The following HNRNPUL2 variants were observed in gnomAD, a reference collection of about 807,000 sequenced individuals.
The protein encoded by HNRNPUL2 is heterogeneous nuclear ribonucleoprotein U like 2.
HNRNPUL2 carries 27 observed loss-of-function variants against 102.2 expected under a neutral mutation model. The observed-to-expected ratio is 0.26, with a 90% CI of 0.19 to 0.36. The LOEUF (loss-of-function observed/expected upper bound fraction) is 0.36. HNRNPUL2 is among the 10% of genes least tolerant of loss of function. The pLI is 1.00. For synonymous variants in HNRNPUL2, 458 were observed against 387.2 expected (o/e 1.18, Z -2.15); for missense variants, 936 against 981.1 (o/e 0.95, Z 0.61).
In HNRNPUL2 at chr11:62,723,898, T is replaced by C. The variant is rs1367915405; in HGVS notation, c.751+16A>G. 1.2e-6 allele frequency: 2 copies of C among 1,611,770 alleles called. No homozygotes were observed. The highest frequency in any genetic ancestry group is 1.1e-5 in the South Asian group (1 of 90,706). ...GAGATTAGTTAAAAACCACAGTCTG[T>C]CTGCCTTATACATACACGTGTCCAG... On this transcript the variant is annotated intron_variant, in intron 3 of 13. Coordinates refer to ENST00000301785, the MANE Select transcript of HNRNPUL2 (RefSeq NM_001079559.3).
At chr11:62,724,101 C>A (rs2083725587) in intron 2 of HNRNPUL2, 111 bp from the exon 3 acceptor site, 1 of 1,182,426 alleles carries the variant, frequency 8.5e-7, no homozygotes, top group African/African-American at 1.5e-5. Context: ...TATCAAATCC[C>A]AGCAGACAGC....
chr11:62,726,908 C>G lies in HNRNPUL2; in HGVS notation c.249G>C (p.Glu83Asp). 1 of 1,546,552 alleles carries G rather than the reference C, an allele frequency of 6.5e-7. No homozygotes were observed. The highest frequency in any genetic ancestry group is 8.6e-7 in the Non-Finnish European group (1 of 1,156,444). ...GDEEEDEEEEEEDEEALLEDE... is the reference protein window; with the variant it reads ...GDEEEDEEEEDEDEEALLEDE... ...CCTCAAGCAGCGCCTCCTCGTCCTC[C>G]TCCTCCTCCTCTTCGTCCTCCTCCT... The change falls in exon 1 of 14, where the codon GAG (glutamate) becomes GAC (aspartate). Residue 83 changes from glutamate (E) to aspartate (D), a missense_variant. Glu to Asp is a conservative substitution (Grantham distance 45). Coordinates refer to ENST00000301785, the MANE Select transcript of HNRNPUL2 (RefSeq NM_001079559.3).
At position 62,713,677 on chromosome 11, in the gene HNRNPUL2, G is replaced by A. The variant is rs991338520; in HGVS notation, c.*1622C>T. On this transcript the variant is annotated 3_prime_UTR_variant, in exon 14 of 14. Transcript: ENST00000301785. ...CTGCAGGGCAGTAACAGTGGGAGGAGGAGAGGAAGACCAAATCAGCCCACA... is the reference window on the plus strand; with the variant it reads ...CTGCAGGGCAGTAACAGTGGGAGGAAGAGAGGAAGACCAAATCAGCCCACA... The A allele has an allele frequency of 6.6e-6, 1 of 152,300 alleles. No individual in the cohort carries two copies. The highest frequency in any genetic ancestry group is 6.5e-5 in the Admixed American group (1 of 15,280). The allele number at this position is 152,300 out of a possible 1,614,324, so 9.4% of individuals were successfully genotyped here.
Position 62,715,323 on chromosome 11 carries a change from G to A in HNRNPUL2, c.2220C>T (p.Tyr740=). Residue 740 remains tyrosine (Y), a synonymous_variant, in exon 14 of 14, where the codon TAC becomes TAT. Coordinates refer to ENST00000301785, the MANE Select transcript of HNRNPUL2 (RefSeq NM_001079559.3). The part of the protein sequence containing the change: ...PQDRDRYYRN[Y]YGYQGYR Reference sequence around the variant, plus strand: ...TTCACCGATACCCTTGGTACCCGTAGTAATTCCTGTAGTATCGGTCTCTGT... The same window carrying A: ...TTCACCGATACCCTTGGTACCCGTAATAATTCCTGTAGTATCGGTCTCTGT... The A allele has an allele frequency of 6.2e-7, 1 of 1,613,306 alleles. No individual in the cohort carries two copies.
At chr11:62,724,572 T>C (rs2083729766) in intron 1 of HNRNPUL2, 146 bp from the exon 2 acceptor site, 1 of 900,222 alleles carries the variant, frequency 1.1e-6, no homozygotes, top group Non-Finnish European at 1.7e-6. Context: ...AACATTTTAT[T>C]TCTAAAGATC....
intron 8 of HNRNPUL2, among the ~76,000 whole-genome samples, 172 bp downstream of exon 8, chr11:62,721,648 G>A (rs2083703824): frequency 6.6e-6 from 1 of 151,724 alleles, no homozygotes; most frequent in South Asian, 2.1e-4. Flanking sequence ...TCAGAAATTT[G>A]ACAACACAGC....
intron 10 of HNRNPUL2, among the ~76,000 whole-genome samples, chr11:62,718,959 T>C (rs1034556935): frequency 2.6e-5 from 4 of 151,786 alleles, no homozygotes; most frequent in Non-Finnish European, 5.9e-5. Flanking sequence ...CGAGTAGCTG[T>C]GATTACAAGC....
At position 62,717,045 on chromosome 11, in the gene HNRNPUL2, C is replaced by G; in HGVS notation, c.1925G>C (p.Arg642Pro). 1 of 1,613,934 alleles carries G rather than the reference C, an allele frequency of 6.2e-7. No homozygotes were observed. The highest frequency in any genetic ancestry group is 8.5e-7 in the Non-Finnish European group (1 of 1,180,006). ...LLPPSEKRTN[R>P]RNNRNKRNRQ... is the part of the protein sequence containing the mutation. ...GTTACGCTTGTTTCGGTTGTTTCGG[C>G]GATTTGTCCGCTTCTCGGAGGGGGG... The change falls in exon 11 of 14, where the codon CGC (arginine) becomes CCC (proline). Residue 642 changes from arginine (R) to proline (P), a missense_variant. Arg to Pro is a moderately radical substitution (Grantham distance 103, BLOSUM62 -2). Around this residue, in one of 2 missense-constraint regions of HNRNPUL2, gnomAD observed 609 missense variants for 713.0 expected, o/e 0.85. Coordinates refer to ENST00000301785, the MANE Select transcript of HNRNPUL2 (RefSeq NM_001079559.3).
intron 12 of HNRNPUL2, 91 bp from the exon 13 acceptor site, chr11:62,715,698 C>A: frequency 8.8e-7 from 1 of 1,135,328 alleles, no homozygotes; most frequent in Non-Finnish European, 1.3e-6. Flanking sequence ...CACATCTTAG[C>A]TCGATATTAT....
intron 10 of HNRNPUL2, among the ~76,000 whole-genome samples, chr11:62,717,428 G>A (rs1296397440): frequency 6.6e-6 from 1 of 152,184 alleles, no homozygotes; most frequent in Non-Finnish European, 1.5e-5. Flanking sequence ...GTTCTTAAGT[G>A]ATCTATAATA....
rs968346101 is a variant in HNRNPUL2, at chr11:62,726,168, G to T, written c.538+451C>A. On this transcript the variant is annotated intron_variant, in intron 1 of 13. Transcript: ENST00000301785. The stretch of plus-strand genomic sequence containing the variant: ...AAGCTCTGGTAACATGCTTTTAATG[G>T]AACGGACTTTGACGGACTTCGATTT... 3.3e-5 allele frequency among the ~76,000 whole-genome samples: 5 copies of T among 152,282 alleles called. No individual in the cohort carries two copies. In the East Asian group the frequency reaches 9.6e-4, roughly 29 times the overall value.
chr11:62,715,542 C>T lies in HNRNPUL2; in HGVS notation c.2121G>A (p.Glu707=), dbSNP rs1257286384. ...TGTAATAGTCTCTGTATCTGTTGTACTCATAATCTCGCCCGTAAAATCGAT... is the reference window on the plus strand; with the variant it reads ...TGTAATAGTCTCTGTATCTGTTGTATTCATAATCTCGCCCGTAAAATCGAT... The part of the protein sequence containing the change: ...DYDRFYGRDY[E]YNRYRDYYRQ... The change falls in exon 13 of 14, where the codon GAG becomes GAA. Residue 707 remains glutamate (E), a synonymous_variant. Transcript: ENST00000301785. The T allele has an allele frequency of 6.2e-7, 1 of 1,613,066 alleles. No homozygotes were observed. Among genetic ancestry groups the T allele is most frequent in the East Asian group, 2.2e-5 (1 of 44,864 alleles).
In HNRNPUL2 at chr11:62,714,569, G is replaced by A. The variant is rs2083644452; in HGVS notation, c.*730C>T. ...CTATTCTGCTCTGCCATCAAGGACA[G>A]TCCCCAGGCTTTCTTGGCCTGGGAA... On this transcript the variant is annotated 3_prime_UTR_variant, in exon 14 of 14. Coordinates refer to ENST00000301785, the MANE Select transcript of HNRNPUL2 (RefSeq NM_001079559.3). 6.6e-6 allele frequency: 1 copy of A among 152,192 alleles called. No individual in the cohort carries two copies. Among genetic ancestry groups the A allele is most frequent in the Non-Finnish European group, 1.5e-5 (1 of 68,084 alleles). 9.4% of individuals were successfully genotyped at this position (152,192 alleles called of 1,614,324 possible). A position where few individuals can be genotyped will look rare whatever the true frequency, so the allele number is the denominator to read the frequency against.
chr11:62,715,464 C>G, intron 13 of HNRNPUL2, 36 bp downstream of exon 13: 4 of 1,580,090 alleles, frequency 2.5e-6, no homozygotes, highest in Non-Finnish European at 3.5e-6. Context: ...GCTCCTGCCC[C>G]CCTTCACCCT....
Position 62,714,139 on chromosome 11 carries a change from C to T in HNRNPUL2, c.*1160G>A, listed in dbSNP as rs978035711. The T allele has an allele frequency of 6.9e-6, 1 of 145,448 alleles. No homozygotes were observed. Among genetic ancestry groups the T allele is most frequent in the Non-Finnish European group, 1.5e-5 (1 of 65,660 alleles). 9.0% of individuals were successfully genotyped at this position (145,448 alleles called of 1,614,324 possible). A position where few individuals can be genotyped will look rare whatever the true frequency, so the allele number is the denominator to read the frequency against. On this transcript the variant is annotated 3_prime_UTR_variant, in exon 14 of 14. Transcript: ENST00000301785. ...GCAGCCCCACTGAGCTGCCTCCCAC[C>T]CCCCCCCACCACCCTCCCCTCTTCT...
Position 62,716,689 on chromosome 11 carries a change from G to A in HNRNPUL2, c.1981+300C>T, listed in dbSNP as rs148545325. Among the ~76,000 whole-genome samples, 1,047 of 152,286 alleles carry A rather than the reference G, an allele frequency of 6.9e-3. 8 individuals carry two copies. The highest frequency in any genetic ancestry group is 9.6e-3 in the Non-Finnish European group (652 of 68,018). On this transcript the variant is annotated intron_variant, in intron 11 of 13. Transcript: ENST00000301785. Reference sequence around the variant, plus strand: ...GAACAGTGACACTGGGAACCCATATGTTAAAATGAAAACTAGATAGATGAG... The same window carrying A: ...GAACAGTGACACTGGGAACCCATATATTAAAATGAAAACTAGATAGATGAG...
At chr11:62,724,614 T>C (rs1482124672) in intron 1 of HNRNPUL2, among the ~76,000 whole-genome samples, 188 bp from the exon 2 acceptor site, 1 of 150,258 alleles carries the variant, frequency 6.7e-6, no homozygotes, top group African/African-American at 2.5e-5. Flanking sequence ...ATTTAATTTT[T>C]TTAAAAAGGG....
chr11:62,726,631 C>T lies in HNRNPUL2; in HGVS notation c.526G>A (p.Ala176Thr). The T allele has an allele frequency of 6.3e-7, 1 of 1,588,506 alleles. No individual in the cohort carries two copies. Among genetic ancestry groups the T allele is most frequent in the East Asian group, 2.3e-5 (1 of 43,976 alleles). Residue 176 changes from alanine to threonine, a missense_variant, in exon 1 of 14, where the codon GCC becomes ACC. Around this residue, in one of 2 missense-constraint regions of HNRNPUL2, gnomAD observed 327 missense variants for 268.1 expected, o/e 1.22. Transcript: ENST00000301785. ...GCCAGCTCCTCACCCTGTTCCTCGG[C>T]GGCCTTGTCACCCGGCACCTCGGAT... ...PGSEVPGDKA[A>T]EEQGDDQDSE...
In HNRNPUL2 at chr11:62,715,570, T is replaced by C. The variant is rs762094503; in HGVS notation, c.2093A>G (p.Tyr698Cys). 9.9e-6 allele frequency: 16 copies of C among 1,612,908 alleles called. 1 individual carries two copies. The Admixed American group carries it at 1.0e-4, about 10-fold the overall frequency. The change falls in exon 13 of 14, where the codon TAT becomes TGT. Residue 698 changes from tyrosine to cysteine, a missense_variant. Tyr to Cys is a radical substitution (Grantham distance 194). Coordinates refer to ENST00000301785, the MANE Select transcript of HNRNPUL2 (RefSeq NM_001079559.3). ...RNFYDRYRGD[Y>C]DRFYGRDYEY... Reference sequence around the variant, plus strand: ...ATAATCTCGCCCGTAAAATCGATCATAGTCTCCCCTGTATCGATCATAGAA... The same window carrying C: ...ATAATCTCGCCCGTAAAATCGATCACAGTCTCCCCTGTATCGATCATAGAA...
Sources: gnomAD v4.1 joint callset for allele counts (sites outside exome capture counted in the v4.1 genomes callset) on GRCh38, gnomAD v4.1.1 for gene constraint, gnomAD v4.1.1 regional missense constraint, MANE v1.5 for transcripts, NCBI Gene and HGNC (gene_info 2026-07-23, HGNC 2026-07-21) for gene names.